Variants in TDRD12 observed in about 807,000 individuals in gnomAD.
TDRD12 encodes the protein tudor domain containing 12.
TDRD12 carries 158 observed loss-of-function variants against 133.5 expected under a neutral mutation model. That is an observed-to-expected ratio of 1.18 (90% CI 1.04 to 1.35). The LOEUF is 1.35. TDRD12 is among the 40% of genes most tolerant of loss of function. TDRD12 has a pLI of 0.00. For missense variants in TDRD12, 1,443 were observed against 1,321.3 expected, an observed-to-expected ratio of 1.09 and a Z score of -1.43; for synonymous variants, 460 against 477.9, an observed-to-expected ratio of 0.96 and a Z score of 0.49.
At chr19:32,777,227 G>C in exon 11 of TDRD12, 7 of 1,520,988 alleles carry the variant, frequency 4.6e-6, no homozygotes, top group Non-Finnish European at 6.2e-6. Flanking sequence ...ATAGCTGTGT[G>C]AAGTAAGAAT....
intron 6 of TDRD12, 68 bp downstream of exon 6, chr19:32,749,937 A>C: frequency 8.5e-7 from 1 of 1,177,328 alleles, no homozygotes. Flanking sequence ...AAACAGAATA[A>C]ATGCCAAGAA....
At chr19:32,766,746 C>G (rs1970308436) in intron 8 of TDRD12, among the ~76,000 whole-genome samples, 1 of 151,970 alleles carries the variant, frequency 6.6e-6, no homozygotes, top group South Asian at 2.1e-4. Context: ...TCCCGAGTAG[C>G]TGGGACTACA....
downstream of TDRD12, among the ~76,000 whole-genome samples, chr19:32,823,642 G>C (rs370955792): frequency 3.9e-5 from 6 of 152,292 alleles, no homozygotes; most frequent in African/African-American, 1.4e-4. Context: ...TTTGCCCCTG[G>C]ATTTGGCCAC....
chr19:32,795,899 A>G (rs929264248), intron 14 of TDRD12, among the ~76,000 whole-genome samples: 2 of 152,184 alleles, frequency 1.3e-5, no homozygotes, highest in Non-Finnish European at 2.9e-5. Flanking sequence ...TCTCAGAAGA[A>G]CAGCACCAAG....
rs752620387 is a variant in TDRD12, at chr19:32,801,203, G to GA, written c.2079+445dup. On this transcript the variant is annotated intron_variant, in intron 18 of 27. Transcript: ENST00000444215. ...CAACATAGTGAAACCCTGTCTCTAC[G>GA]AAAAAAAAAAAAAAGAAGAAGAAAA... is the stretch of plus-strand genomic sequence containing the variant. Among the ~76,000 whole-genome samples, 790 of 101,960 alleles carry GA rather than the reference G, an allele frequency of 7.7e-3. 5 individuals carry two copies. Among genetic ancestry groups the GA allele is most frequent in the African/African-American group, 0.023 (621 of 27,426 alleles). The allele number at this position is 101,960 out of a possible 152,430, so 66.9% of individuals were successfully genotyped here.
At chr19:32,763,586 C>T (rs927680174) in intron 8 of TDRD12, among the ~76,000 whole-genome samples, 2 of 152,106 alleles carry the variant, frequency 1.3e-5, no homozygotes, top group Non-Finnish European at 2.9e-5. Flanking sequence ...AACAGCACGC[C>T]CTTTATATTT....
chr19:32,811,353 C>A (rs533446853), exon 24 of TDRD12: 1 of 1,536,120 alleles, frequency 6.5e-7, no homozygotes, highest in Non-Finnish European at 8.7e-7. Context: ...ACACTTCCCC[C>A]GCAGGCTGTG....
chr19:32,803,452 T>C (rs1030209769), intron 21 of TDRD12, among the ~76,000 whole-genome samples: 2 of 152,228 alleles, frequency 1.3e-5, no homozygotes, highest in African/African-American at 4.8e-5. Context: ...ATGGTTTGTT[T>C]TATAGCTCAG....
exon 10 of TDRD12, chr19:32,828,755 G>A (rs1377483730): frequency 2.0e-5 from 3 of 152,222 alleles, no homozygotes; most frequent in East Asian, 1.9e-4. Flanking sequence ...TTTCTCATCT[G>A]TAAAATGAGA....
exon 10 of TDRD12, chr19:32,828,772 C>G (rs1272282217): frequency 6.6e-6 from 1 of 152,258 alleles, no homozygotes; most frequent in African/African-American, 2.4e-5. Context: ...GAGACATCCC[C>G]TCATTGTGTG....
chr19:32,797,884 A>G, exon 15 of TDRD12: 1 of 691,742 alleles, frequency 1.4e-6, no homozygotes, highest in Non-Finnish European at 2.6e-6. Flanking sequence ...CAAAGCTTCC[A>G]AGGGGCTGTA....
At chr19:32,763,981 G>A (rs767278052) in intron 8 of TDRD12, among the ~76,000 whole-genome samples, 3 of 151,694 alleles carry the variant, frequency 2.0e-5, no homozygotes, top group Non-Finnish European at 4.4e-5. Context: ...AAGATAGAGT[G>A]ATAACCATCA....
At chr19:32,764,503 A>C (rs1268465889) in intron 8 of TDRD12, among the ~76,000 whole-genome samples, 1 of 152,150 alleles carries the variant, frequency 6.6e-6, no homozygotes, top group Non-Finnish European at 1.5e-5. Context: ...ATATCTATTG[A>C]GACTCCTATT....
intron 26 of TDRD12, among the ~76,000 whole-genome samples, chr19:32,816,622 A>G (rs1472536891): frequency 6.6e-6 from 1 of 152,186 alleles, no homozygotes; most frequent in African/African-American, 2.4e-5. Flanking sequence ...AAATATATAC[A>G]CTTACAAATA....
At chr19:32,792,963 A>G (rs898140437) in intron 13 of TDRD12, among the ~76,000 whole-genome samples, 2 of 152,164 alleles carry the variant, frequency 1.3e-5, no homozygotes, top group African/African-American at 4.8e-5. Context: ...TGAGGCGCAG[A>G]TTGCCTGAGC....
intron 6 of TDRD12, among the ~76,000 whole-genome samples, chr19:32,750,431 T>A (rs548621438): frequency 6.6e-6 from 1 of 152,316 alleles, no homozygotes; most frequent in African/African-American, 2.4e-5. Context: ...AACCATGGAT[T>A]TTTTAAAAAT....
chr19:32,792,706 A>G (rs955175994), intron 13 of TDRD12, among the ~76,000 whole-genome samples: 3 of 152,224 alleles, frequency 2.0e-5, no homozygotes, highest in Non-Finnish European at 2.9e-5. Context: ...AAGAATTTCC[A>G]GATTAAGAGG....
intron 23 of TDRD12, among the ~76,000 whole-genome samples, 193 bp downstream of exon 23, chr19:32,810,470 C>T (rs563821923): frequency 6.6e-6 from 1 of 152,342 alleles, no homozygotes; most frequent in East Asian, 1.9e-4. Context: ...CCAGTGACAC[C>T]GTGACCCATT....
At chr19:32,800,355 A>G (rs992497032) in exon 17 of TDRD12, 2 of 1,510,928 alleles carry the variant, frequency 1.3e-6, no homozygotes, top group African/African-American at 1.4e-5. Context: ...GCAATGTCCA[A>G]CAGGTAACTT....
Sources: allele counts gnomAD v4.1 joint callset (sites outside exome capture counted in the v4.1 genomes callset), GRCh38; gene constraint gnomAD v4.1.1; transcripts MANE v1.5; gene names NCBI Gene and HGNC (gene_info 2026-07-23, HGNC 2026-07-21).